ADGRV1: variants seen among roughly 807,000 people sequenced by gnomAD.
ADGRV1 encodes the protein G-protein coupled receptor 98.
A neutral mutation model predicts 596.2 loss-of-function variants in ADGRV1; 359 were observed. The ratio of observed to expected loss-of-function variants is 0.60; its 90% CI spans 0.55 to 0.66. The LOEUF is 0.66. Ranked by LOEUF, ADGRV1 falls within the 30% of genes least tolerant of loss-of-function variation. ADGRV1 has a pLI of 0.00. For synonymous variants in ADGRV1, 2,681 were observed against 2,679.2 expected (o/e 1.00, Z -0.02); for missense variants, 7,274 against 7,575.6 (o/e 0.96, Z 1.48).
Position 91,161,444 on chromosome 5 carries a change from T to G in ADGRV1, c.18803-2338T>G, listed in dbSNP as rs1022403126. 7.9e-5 allele frequency among the ~76,000 whole-genome samples: 12 copies of G among 151,920 alleles called. 1 individual carries two copies. The highest frequency in any genetic ancestry group is 1.9e-4 in the African/African-American group (8 of 41,364). On this transcript the variant is annotated intron_variant, in intron 89 of 89. Transcript: ENST00000405460. The stretch of plus-strand genomic sequence containing the variant: ...TGGGTTTTTTGTTGTTGTTTTTTGT[T>G]TTGTTTTGTAATGCGGAAATGCAGG...
intron 83 of ADGRV1, among the ~76,000 whole-genome samples, chr5:90,875,877 A>G (rs187759803): frequency 9.8e-5 from 15 of 152,360 alleles, no homozygotes; most frequent in Non-Finnish European, 1.9e-4. Context: ...AACTAATTGT[A>G]AAAGCTAATT....
chr5:90,627,984 C>A, intron 7 of ADGRV1: 1 of 371,406 alleles, frequency 2.7e-6, no homozygotes, highest in Non-Finnish European at 4.7e-6. Context: ...TTTTTTCTAC[C>A]ATGGCTTCAC....
intron 25 of ADGRV1, among the ~76,000 whole-genome samples, chr5:90,677,736 A>T (rs1282618314): frequency 6.6e-6 from 1 of 152,158 alleles, no homozygotes; most frequent in East Asian, 1.9e-4. Context: ...GGACTTGAAT[A>T]CTCACTAGAA....
chr5:91,084,361 A>C (rs1365780360), intron 86 of ADGRV1, among the ~76,000 whole-genome samples: 1 of 152,148 alleles, frequency 6.6e-6, no homozygotes, highest in African/African-American at 2.4e-5. Flanking sequence ...GAATCTACAA[A>C]GAACTTAAAC....
rs1752159289 is a variant in ADGRV1 at position 90,728,920 on chromosome 5, A to T, written c.10413A>T (p.Glu3471Asp). 6.2e-7 allele frequency: 1 copy of T among 1,608,352 alleles called. No individual in the cohort carries two copies. The highest frequency in any genetic ancestry group is 8.5e-7 in the Non-Finnish European group (1 of 1,176,542). Residue 3471 changes from glutamate (E) to aspartate (D), a missense_variant, in exon 49 of 90, where the codon GAA becomes GAT. Coordinates refer to ENST00000405460, the MANE Select transcript of ADGRV1 (RefSeq NM_032119.4). ...ATGATATTTACCTAATATTTGCCGAAAATGTCTTTCTAGGTGAGAAGATAA... is the reference window on the plus strand; with the variant it reads ...ATGATATTTACCTAATATTTGCCGATAATGTCTTTCTAGGTGAGAAGATAA... The part of the protein sequence containing the change: ...SANDIYLIFA[E>D]NVFLGDQNSI...
At chr5:90,854,410 A>G (rs75561821) in intron 81 of ADGRV1, among the ~76,000 whole-genome samples, 2 of 152,170 alleles carry the variant, frequency 1.3e-5, no homozygotes, top group Admixed American at 6.5e-5. Context: ...ATATGTGTGT[A>G]ACACATTATT....
At chr5:91,114,502 C>A (rs943546585) in intron 87 of ADGRV1, among the ~76,000 whole-genome samples, 1 of 151,698 alleles carries the variant, frequency 6.6e-6, no homozygotes, top group African/African-American at 2.4e-5. Flanking sequence ...ACTCCAGCCT[C>A]GGCAACAGAG....
chr5:90,810,736 C>T lies in ADGRV1; in HGVS notation c.15476C>T (p.Thr5159Ile), dbSNP rs1472004831. ...ATTCCTGTAGAAACTGAATCCACCA[C>T]ATACCTCAGCACAAGCAAGACGACT... ...TLIPVETEST[T>I]YLSTSKTTTI... Residue 5159 changes from threonine (T) to isoleucine (I), a missense_variant, in exon 74 of 90, where the codon ACA becomes ATA. Thr to Ile is a moderately conservative substitution (Grantham distance 89). Around this residue, in one of 5 missense-constraint regions of ADGRV1, gnomAD observed 1,874 missense variants for 1,970.2 expected, o/e 0.95. Transcript: ENST00000405460. The T allele has an allele frequency of 1.2e-6, 2 of 1,613,924 alleles. No homozygotes were observed. The highest frequency in any genetic ancestry group is 4.5e-5 in the East Asian group (2 of 44,876).
chr5:90,688,604 C>G (rs2149608373), intron 29 of ADGRV1, among the ~76,000 whole-genome samples: 1 of 152,294 alleles, frequency 6.6e-6, no homozygotes, highest in South Asian at 2.1e-4. Flanking sequence ...ATCCGCCCAC[C>G]TTGGCCTCCC....
chr5:90,649,101 T>C (rs1206831822), intron 17 of ADGRV1, among the ~76,000 whole-genome samples: 2 of 151,992 alleles, frequency 1.3e-5, no homozygotes, highest in East Asian at 3.9e-4. Flanking sequence ...CCTCCCAGGT[T>C]CAAGTGATTC....
In ADGRV1 at chr5:90,608,741, A is replaced by G. The variant is rs574896412; in HGVS notation, c.23-6094A>G. On this transcript the variant is annotated intron_variant, in intron 1 of 89. Transcript: ENST00000405460. ...CTAAGGAAGAAGAAAACATGGGATTAACAAACAGAGGATGAAACACAGGAA... is the reference window on the plus strand; with the variant it reads ...CTAAGGAAGAAGAAAACATGGGATTGACAAACAGAGGATGAAACACAGGAA... Among the ~76,000 whole-genome samples, 307 of 152,196 alleles carry G rather than the reference A, an allele frequency of 2.0e-3. 2 individuals carry two copies. Among genetic ancestry groups the G allele is most frequent in the African/African-American group, 7.2e-3 (298 of 41,548 alleles).
chr5:90,937,128 C>G (rs60125173), intron 83 of ADGRV1, among the ~76,000 whole-genome samples: 2,436 of 152,206 alleles, frequency 0.016, 69 homozygotes, highest in African/African-American at 0.056. Context: ...ATATATTCAT[C>G]TAGGTTTAAC....
At chr5:90,882,263 T>G (rs550525130) in intron 83 of ADGRV1, among the ~76,000 whole-genome samples, 1 of 152,350 alleles carries the variant, frequency 6.6e-6, no homozygotes, top group African/African-American at 2.4e-5. Flanking sequence ...TCACAAACCT[T>G]TTCAGTACTT....
At chr5:90,797,449 C>G (rs374504709) in intron 70 of ADGRV1, among the ~76,000 whole-genome samples, 2 of 152,194 alleles carry the variant, frequency 1.3e-5, no homozygotes, top group East Asian at 3.9e-4. Context: ...TATATGCACT[C>G]AATACAGGAG....
chr5:90,623,253 T>C (rs1026448951), intron 5 of ADGRV1, among the ~76,000 whole-genome samples: 4 of 152,234 alleles, frequency 2.6e-5, no homozygotes, highest in African/African-American at 9.7e-5. Context: ...ATTTTAGATA[T>C]GTGGGAAAAA....
chr5:90,667,020 C>T (rs1166502928), intron 21 of ADGRV1, among the ~76,000 whole-genome samples: 1 of 152,118 alleles, frequency 6.6e-6, no homozygotes, highest in Non-Finnish European at 1.5e-5. Context: ...GTAACCCGAC[C>T]TTTCTCTCTA....
rs1427197082 is a variant in ADGRV1 at position 90,728,681 on chromosome 5, A to G, written c.10174A>G (p.Asn3392Asp). 1.2e-6 allele frequency: 2 copies of G among 1,608,714 alleles called. No homozygotes were observed. Among genetic ancestry groups the G allele is most frequent in the African/African-American group, 1.3e-5 (1 of 74,762 alleles). ...ACATTTCCTTCAGGTCTTCAGGTGG[A>G]ATGGAGGAAGCTTCGTGTTGCATCA... ...DSELTQVFRW[N>D]GGSFVLHQKL... is the part of the protein sequence containing the mutation. Residue 3392 changes from asparagine (N) to aspartate (D), a missense_variant, in exon 49 of 90, where the codon AAT (asparagine) becomes GAT (aspartate). Physicochemically the swap from Asn to Asp is conservative, Grantham distance 23 (BLOSUM62 1). This residue lies in a region of ADGRV1 where 3,643 missense variants were observed against 3,809.2 expected (regional missense o/e 0.96). Transcript: ENST00000405460.
chr5:91,062,620 G>A (rs1466587884), intron 85 of ADGRV1, among the ~76,000 whole-genome samples: 1 of 152,010 alleles, frequency 6.6e-6, no homozygotes, highest in East Asian at 1.9e-4. Flanking sequence ...CATCTCGTTT[G>A]GCCAGTCTGC....
intron 83 of ADGRV1, among the ~76,000 whole-genome samples, chr5:90,958,647 C>A (rs1238548133): frequency 6.6e-6 from 1 of 152,138 alleles, no homozygotes. Flanking sequence ...TGGCCATCAT[C>A]TCCCTTTGTC....
Sources: allele counts gnomAD v4.1 joint callset (sites outside exome capture counted in the v4.1 genomes callset), GRCh38; gene constraint gnomAD v4.1.1; regional missense constraint gnomAD v4.1.1; transcripts MANE v1.5; gene names NCBI Gene and HGNC (gene_info 2026-07-23, HGNC 2026-07-21).